The following DPY19L4 variants were observed in gnomAD, a reference collection of about 807,000 sequenced individuals.
DPY19L4 encodes the protein probable C-mannosyltransferase DPY19L4.
DPY19L4 carries 97 observed loss-of-function variants against 102.8 expected under a neutral mutation model. That is an observed-to-expected ratio of 0.94 (90% CI 0.80 to 1.12). DPY19L4 has a LOEUF of 1.12. Among genes scored for constraint, DPY19L4 ranks in the 50% most tolerant of loss-of-function variants. The pLI is 0.00. For synonymous variants in DPY19L4, 252 were observed against 283.1 expected, an observed-to-expected ratio of 0.89 and a Z score of 1.10; for missense variants, 815 against 850.4, an observed-to-expected ratio of 0.96 and a Z score of 0.52.
At chr8:94,769,342 G>A (rs547014683) in intron 12 of DPY19L4, among the ~76,000 whole-genome samples, 1 of 152,224 alleles carries the variant, frequency 6.6e-6, no homozygotes, top group African/African-American at 2.4e-5. Context: ...GATTACAGGT[G>A]TGAGCCACCA....
rs1011846378 is a variant in DPY19L4 at position 94,747,039 on chromosome 8, A to T, written c.611+7249A>T. Among the ~76,000 whole-genome samples, 10 of 151,972 alleles carry T rather than the reference A, an allele frequency of 6.6e-5. No homozygotes were observed. The East Asian group carries it at 9.7e-4, about 15-fold the overall frequency. On this transcript the variant is annotated intron_variant, in intron 6 of 18. Transcript: ENST00000414645. ...TTTTTTTTTTTACCATAGTGATCAG[A>T]ACATTGGTTTTTTTTTGTTGCTGTT...
At chr8:94,743,092 A>G (rs1410113518) in intron 6 of DPY19L4, among the ~76,000 whole-genome samples, 1 of 151,804 alleles carries the variant, frequency 6.6e-6, no homozygotes, top group Non-Finnish European at 1.5e-5. Context: ...TAATGGCACA[A>G]TCTCGGCTCA....
At chr8:94,731,846 C>A (rs908875498) in intron 2 of DPY19L4, among the ~76,000 whole-genome samples, 11 of 152,122 alleles carry the variant, frequency 7.2e-5, no homozygotes, top group African/African-American at 2.4e-4. Flanking sequence ...CCGCCCCCTG[C>A]AAACTCTGCC....
At chr8:94,745,749 G>T (rs1038690451) in intron 6 of DPY19L4, among the ~76,000 whole-genome samples, 1 of 152,064 alleles carries the variant, frequency 6.6e-6, no homozygotes, top group Non-Finnish European at 1.5e-5. Context: ...TTGTAGCATT[G>T]TTTGTAATAA....
chr8:94,789,874 A>G lies in DPY19L4; in HGVS notation c.2136A>G (p.Val712=), dbSNP rs776957488. The change falls in exon 19 of 19, where the codon GTA becomes GTG. Residue 712 remains valine, a synonymous_variant. Transcript: ENST00000414645. Reference sequence around the variant, plus strand: ...TATACTGGAACAGATCCTACTTTGTATATAAAATCAACACTGTGATATCCT... The same window carrying G: ...TATACTGGAACAGATCCTACTTTGTGTATAAAATCAACACTGTGATATCCT... The part of the protein sequence containing the change: ...TRVYWNRSYF[V]YKINTVISFQ... 3 of 1,604,502 alleles carry G rather than the reference A, an allele frequency of 1.9e-6. No individual in the cohort carries two copies. The highest frequency in any genetic ancestry group is 2.5e-6 in the Non-Finnish European group (3 of 1,177,416).
chr8:94,765,947 T>A, intron 10 of DPY19L4, 138 bp downstream of exon 10: 1 of 543,832 alleles, frequency 1.8e-6, no homozygotes, highest in Non-Finnish European at 3.2e-6. Context: ...CAATCATAAC[T>A]AGCATACTGG....
chr8:94,775,764 G>T (rs1326103569), intron 13 of DPY19L4, among the ~76,000 whole-genome samples: 2 of 152,100 alleles, frequency 1.3e-5, no homozygotes, highest in East Asian at 3.9e-4. Flanking sequence ...GGGTCTGGTT[G>T]TTCTCCTTAG....
intron 17 of DPY19L4, 29 bp downstream of exon 17, chr8:94,783,831 T>C (rs776081962): frequency 1.2e-6 from 2 of 1,611,982 alleles, no homozygotes; most frequent in Non-Finnish European, 1.7e-6. Context: ...TACATTTGGA[T>C]CTCTTTTCCA....
intron 13 of DPY19L4, among the ~76,000 whole-genome samples, chr8:94,776,358 G>A (rs572698879): frequency 3.3e-5 from 5 of 151,560 alleles, no homozygotes; most frequent in Admixed American, 6.6e-5. Context: ...TAGTAGAGAC[G>A]AGGTTTCACC....
intron 13 of DPY19L4, among the ~76,000 whole-genome samples, chr8:94,776,518 G>A (rs1283901199): frequency 6.7e-6 from 1 of 149,442 alleles, no homozygotes; most frequent in Non-Finnish European, 1.5e-5. Context: ...AAAAAAAAAA[G>A]CAAAAATTAG....
intron 2 of DPY19L4, among the ~76,000 whole-genome samples, chr8:94,733,086 AC>A (rs1265842507): frequency 2.2e-5 from 3 of 137,584 alleles, no homozygotes; most frequent in African/African-American, 8.2e-5. Context: ...GGGGTTACAG[AC>A]CTGAGCCACC....
chr8:94,723,914 T>C (rs1033382886), intron 1 of DPY19L4, among the ~76,000 whole-genome samples: 15 of 152,212 alleles, frequency 9.9e-5, no homozygotes, highest in Non-Finnish European at 2.1e-4. Context: ...TCTTGAGAGA[T>C]GATTGTTGAG....
intron 3 of DPY19L4, among the ~76,000 whole-genome samples, chr8:94,735,032 TGATA>T (rs1046169437): frequency 1.3e-5 from 2 of 152,350 alleles, no homozygotes; most frequent in Non-Finnish European, 2.9e-5. Flanking sequence ...TTCATAGTTT[TGATA>T]GATAGTTCAC....
chr8:94,758,542 G>A (rs1812263740), intron 7 of DPY19L4, among the ~76,000 whole-genome samples: 1 of 151,976 alleles, frequency 6.6e-6, no homozygotes, highest in Admixed American at 6.6e-5. Context: ...CCAAACCTCT[G>A]GCAACCACTG....
Position 94,777,752 on chromosome 8 carries a change from G to A in DPY19L4, c.1541G>A (p.Trp514Ter), listed in dbSNP as rs1393936794. ...SPELWMTLFKWLRLRTVHPIL... is the reference protein window; with the variant it reads ...SPELWMTLFK ...GAACTTTGGATGACACTTTTCAAGT[G>A]GCTTCGATTAAGAACTGTACACCCA... The change falls in exon 14 of 19, where the codon TGG (tryptophan) becomes TAG (stop). Residue 514 changes from tryptophan to a stop codon, truncating the protein, a stop_gained. Coordinates refer to ENST00000414645, the MANE Select transcript of DPY19L4 (RefSeq NM_181787.3). LOFTEE classifies it high-confidence loss of function. The A allele has an allele frequency of 6.2e-7, 1 of 1,613,924 alleles. No homozygotes were observed. The highest frequency in any genetic ancestry group is 8.5e-7 in the Non-Finnish European group (1 of 1,179,968).
intron 18 of DPY19L4, 27 bp downstream of exon 18, chr8:94,788,079 A>G: frequency 1.7e-6 from 2 of 1,156,170 alleles, no homozygotes; most frequent in African/African-American, 3.3e-5. Flanking sequence ...AAAGTTATAT[A>G]TATGTATATA....
intron 6 of DPY19L4, among the ~76,000 whole-genome samples, chr8:94,743,809 T>C (rs13269813): frequency 0.44 from 67,352 of 151,914 alleles, 16,525 homozygotes; most frequent in African/African-American, 0.68. Context: ...AGATCAAGAC[T>C]AGCCTTGCCA....
rs1813874263 is a variant in DPY19L4, at chr8:94,791,234, G to A, written c.*1324G>A. On this transcript the variant is annotated 3_prime_UTR_variant, in exon 19 of 19. Coordinates refer to ENST00000414645, the MANE Select transcript of DPY19L4 (RefSeq NM_181787.3). ...CATTAGAAGAGAGCATTTCTCCATT[G>A]TCTTTATTTTCTGTTATATATGTGT... is the stretch of plus-strand genomic sequence containing the variant. The A allele has an allele frequency of 6.6e-6, 1 of 152,054 alleles. No homozygotes were observed. The highest frequency in any genetic ancestry group is 2.4e-5 in the African/African-American group (1 of 41,418). 9.4% of individuals were successfully genotyped at this position (152,054 alleles called of 1,614,324 possible). A position where few individuals can be genotyped will look rare whatever the true frequency, so the allele number is the denominator to read the frequency against.
chr8:94,757,563 C>T (rs1415756742), intron 7 of DPY19L4, among the ~76,000 whole-genome samples: 1 of 152,052 alleles, frequency 6.6e-6, no homozygotes, highest in Non-Finnish European at 1.5e-5. Context: ...GCACCCAGCA[C>T]CACACCCAGC....
Sources: gnomAD v4.1 joint callset for allele counts (sites outside exome capture counted in the v4.1 genomes callset) on GRCh38, gnomAD v4.1.1 for gene constraint, MANE v1.5 for transcripts, NCBI Gene and HGNC (gene_info 2026-07-23, HGNC 2026-07-21) for gene names.